The following DSTYK variants were observed in gnomAD, a reference collection of about 807,000 sequenced individuals.
The protein encoded by DSTYK is RIP-homologous kinase.
Under a neutral mutation model 98.7 loss-of-function variants are expected in DSTYK, and 34 were observed. The observed-to-expected ratio is 0.34, with a 90% CI of 0.26 to 0.46. The LOEUF is 0.46. Among genes scored for constraint, DSTYK ranks in the 20% least tolerant of loss-of-function variants. The pLI, the probability that DSTYK is intolerant of heterozygous loss-of-function variation, is 1.00. For synonymous variants in DSTYK, 462 were observed against 457.3 expected (o/e 1.01, Z -0.13); for missense variants, 962 against 1,181.7 (o/e 0.81, Z 2.73).
At chr1:205,152,671 T>C (rs1346404376) in intron 10 of DSTYK, among the ~76,000 whole-genome samples, 1 of 152,184 alleles carries the variant, frequency 6.6e-6, no homozygotes, top group African/African-American at 2.4e-5. Flanking sequence ...TTTTTTTTTT[T>C]TCAGATTTTG....
At chr1:205,155,255 ATTAC>A (rs1657523674) in intron 10 of DSTYK, among the ~76,000 whole-genome samples, 1 of 151,246 alleles carries the variant, frequency 6.6e-6, no homozygotes, top group African/African-American at 2.4e-5. Context: ...AAGTGCTGGG[ATTAC>A]AGGTGTGAGC....
intron 1 of DSTYK, among the ~76,000 whole-genome samples, chr1:205,192,609 CT>C (rs1450990692): frequency 6.6e-6 from 1 of 152,106 alleles, no homozygotes; most frequent in Non-Finnish European, 1.5e-5. Flanking sequence ...TGCCTGTAAT[CT>C]CAGCACTTTG....
chr1:205,191,889 T>C (rs1574790591), intron 1 of DSTYK, among the ~76,000 whole-genome samples: 1 of 152,328 alleles, frequency 6.6e-6, no homozygotes, highest in East Asian at 1.9e-4. Context: ...CATCTGCATA[T>C]GGGCTGCCAG....
At chr1:205,147,911 C>T (rs972059093) in intron 12 of DSTYK, among the ~76,000 whole-genome samples, 166 bp from the exon 13 acceptor site, 2 of 101,406 alleles carry the variant, frequency 2.0e-5, no homozygotes, top group Non-Finnish European at 5.0e-5. Flanking sequence ...ACAGTAAGAG[C>T]AATTAAAAAA....
Position 205,149,748 on chromosome 1 carries a change from T to C in DSTYK, c.2467+932A>G, listed in dbSNP as rs113861310. ...CTCAAAAGCTCAGTAGCTCCTTAAGTCTTGCACAACAAGCCTTGATTCTTC... is the reference window on the plus strand; with the variant it reads ...CTCAAAAGCTCAGTAGCTCCTTAAGCCTTGCACAACAAGCCTTGATTCTTC... On this transcript the variant is annotated intron_variant, in intron 11 of 12. Transcript: ENST00000367162. 8.6e-3 allele frequency among the ~76,000 whole-genome samples: 1,315 copies of C among 152,342 alleles called. 22 individuals are homozygous for C. Among genetic ancestry groups the C allele is most frequent in the African/African-American group, 0.03 (1,259 of 41,572 alleles).
chr1:205,185,309 TGTTACTAAA>T (rs1658530499), intron 2 of DSTYK, among the ~76,000 whole-genome samples: 1 of 152,256 alleles, frequency 6.6e-6, no homozygotes, highest in Non-Finnish European at 1.5e-5. Context: ...ATTCCAGGAT[TGTTACTAAA>T]GGCAAGAATG....
chr1:205,185,579 A>AT (rs781139530), intron 2 of DSTYK, among the ~76,000 whole-genome samples: 4 of 152,202 alleles, frequency 2.6e-5, no homozygotes, highest in Non-Finnish European at 5.9e-5. Context: ...TGCTACTAAC[A>AT]TTTTCAAAAA....
At position 205,187,710 on chromosome 1, in the gene DSTYK, C is replaced by A. The variant is rs369567583; in HGVS notation, c.362G>T (p.Cys121Phe). The A allele has an allele frequency of 6.2e-7, 1 of 1,614,080 alleles. No individual in the cohort carries two copies. The highest frequency in any genetic ancestry group is 8.5e-7 in the Non-Finnish European group (1 of 1,180,054). Reference sequence around the variant, plus strand: ...ATTCAACAGCTGGCACTTGACGTTACAATCCTGGCCGAGGATCAGTATGCA... The same window carrying A: ...ATTCAACAGCTGGCACTTGACGTTAAAATCCTGGCCGAGGATCAGTATGCA... ...LPCILILGQDCNVKCQLLNLL... is the reference protein window; with the variant it reads ...LPCILILGQDFNVKCQLLNLL... Residue 121 changes from cysteine (C) to phenylalanine (F), a missense_variant, in exon 2 of 13, where the codon TGT becomes TTT. Coordinates refer to ENST00000367162, the MANE Select transcript of DSTYK (RefSeq NM_015375.3).
rs1368511930 is a variant in DSTYK at position 205,169,952 on chromosome 1, C to G, written c.655-120G>C. The G allele has an allele frequency of 1.1e-6, 1 of 920,772 alleles. No individual in the cohort carries two copies. Among genetic ancestry groups the G allele is most frequent in the Non-Finnish European group, 1.6e-6 (1 of 628,034 alleles). The allele number at this position is 920,772 out of a possible 1,614,324, so 57.0% of individuals were successfully genotyped here. The stretch of plus-strand genomic sequence containing the variant: ...CAATGGAACAATTGGACTTCGGTAC[C>G]CCAGCCATTGATCCACCTCCTTCCT... On this transcript the variant is annotated intron_variant, in intron 2 of 12. Coordinates refer to ENST00000367162, the MANE Select transcript of DSTYK (RefSeq NM_015375.3). The surrounding 1 kb of genome is among the most constrained non-coding windows in gnomAD (Gnocchi z 4.0).
At chr1:205,179,545 C>T (rs912479616) in intron 2 of DSTYK, among the ~76,000 whole-genome samples, 2 of 149,206 alleles carry the variant, frequency 1.3e-5, no homozygotes, top group Admixed American at 6.8e-5. Flanking sequence ...GGTGTGAACC[C>T]GGGAGGCAGA....
intron 1 of DSTYK, among the ~76,000 whole-genome samples, chr1:205,188,878 T>C (rs1392105648): frequency 1.3e-5 from 2 of 152,204 alleles, no homozygotes; most frequent in East Asian, 3.8e-4. Flanking sequence ...CTTCTGTTTA[T>C]GGGAGACAAG....
At chr1:205,198,826 C>T (rs1400093593) in intron 1 of DSTYK, among the ~76,000 whole-genome samples, 1 of 133,060 alleles carries the variant, frequency 7.5e-6, no homozygotes, top group African/African-American at 3.0e-5. Flanking sequence ...ATAAATAAGG[C>T]ACTAAAGCTT....
At chr1:205,199,226 C>T (rs1204181057) in intron 1 of DSTYK, among the ~76,000 whole-genome samples, 6 of 152,080 alleles carry the variant, frequency 3.9e-5, no homozygotes, top group Non-Finnish European at 2.9e-5. Flanking sequence ...CCAAAGAAAG[C>T]GGTGGTCAAA....
intron 10 of DSTYK, among the ~76,000 whole-genome samples, chr1:205,151,936 A>G (rs1657417392): frequency 6.6e-6 from 1 of 152,100 alleles, no homozygotes; most frequent in Admixed American, 6.6e-5. Context: ...TTACTATATT[A>G]TACTCTTTAT....
chr1:205,161,649 A>G (rs1304033642), intron 6 of DSTYK, among the ~76,000 whole-genome samples: 2 of 152,162 alleles, frequency 1.3e-5, no homozygotes, highest in East Asian at 3.9e-4. Context: ...GATGTCAAAC[A>G]ATTATGAAAT....
intron 1 of DSTYK, among the ~76,000 whole-genome samples, chr1:205,194,236 G>C (rs1317381429): frequency 6.6e-6 from 1 of 152,166 alleles, no homozygotes; most frequent in Non-Finnish European, 1.5e-5. Context: ...ACTGTCTTTT[G>C]TTAGAGAAGT....
intron 1 of DSTYK, 69 bp from the exon 2 acceptor site, chr1:205,187,875 G>C (rs1658603873): frequency 1.4e-6 from 2 of 1,389,606 alleles, no homozygotes; most frequent in Non-Finnish European, 1.9e-6. Context: ...AGGGGAGAGA[G>C]AGAGACTCAC....
At chr1:205,158,429 C>A (rs1167664945) in intron 9 of DSTYK, among the ~76,000 whole-genome samples, 1 of 152,036 alleles carries the variant, frequency 6.6e-6, no homozygotes, top group Non-Finnish European at 1.5e-5. Flanking sequence ...ACAAAAGAAA[C>A]CTCTCTAATT....
At chr1:205,203,077 TA>T (rs1284429248) in intron 1 of DSTYK, among the ~76,000 whole-genome samples, 10 of 152,094 alleles carry the variant, frequency 6.6e-5, no homozygotes, top group Admixed American at 2.0e-4. Context: ...ATGCCTTCTG[TA>T]AAAACTACTT....
Sources: gnomAD v4.1 joint callset for allele counts (sites outside exome capture counted in the v4.1 genomes callset) on GRCh38, gnomAD v4.1.1 for gene constraint, Gnocchi (gnomAD v3.1) non-coding constraint, MANE v1.5 for transcripts, NCBI Gene and HGNC (gene_info 2026-07-23, HGNC 2026-07-21) for gene names.